ITPR2: variants seen among roughly 807,000 people sequenced by gnomAD.
ITPR2 encodes inositol 1,4,5-trisphosphate-gated calcium channel ITPR2.
In ITPR2, 207 loss-of-function variants were observed where a neutral mutation model predicts 317.1. The observed-to-expected ratio is 0.65, with a 90% CI of 0.58 to 0.73. ITPR2 has a LOEUF of 0.73. ITPR2 is among the 30% of genes least tolerant of loss of function. The pLI is 0.00. For synonymous variants in ITPR2, 1,156 were observed against 1,149.1 expected (o/e 1.01, Z -0.12); for missense variants, 2,613 against 3,284.0 (o/e 0.80, Z 4.99).
intron 28 of ITPR2, among the ~76,000 whole-genome samples, chr12:26,600,886 T>C (rs1945984530): frequency 6.6e-6 from 1 of 152,124 alleles, no homozygotes; most frequent in Non-Finnish European, 1.5e-5. Context: ...CCCTTCCTTT[T>C]GCTATTTACC....
At chr12:26,450,477 T>G (rs1374323856) in intron 45 of ITPR2, among the ~76,000 whole-genome samples, 1 of 152,124 alleles carries the variant, frequency 6.6e-6, no homozygotes, top group African/African-American at 2.4e-5. Context: ...AAGAAATAAC[T>G]GGTCTTCCCG....
intron 39 of ITPR2, among the ~76,000 whole-genome samples, chr12:26,487,976 A>G (rs1942710695): frequency 6.6e-6 from 1 of 152,178 alleles, no homozygotes; most frequent in Non-Finnish European, 1.5e-5. Context: ...AAACAAAAGT[A>G]TGATAAAATG....
chr12:26,348,209 A>G (rs1401789921), intron 55 of ITPR2, among the ~76,000 whole-genome samples: 3 of 152,266 alleles, frequency 2.0e-5, no homozygotes, highest in Non-Finnish European at 4.4e-5. Flanking sequence ...CTCAAAAGCC[A>G]CACAAGTCAC....
At chr12:26,484,688 T>C (rs188225788) in intron 41 of ITPR2, among the ~76,000 whole-genome samples, 256 of 152,078 alleles carry the variant, frequency 1.7e-3, no homozygotes, top group African/African-American at 6.0e-3. Context: ...AAATGAAAAA[T>C]GTAAGTTGAG....
At chr12:26,805,099 A>G (rs1014607157) in intron 1 of ITPR2, among the ~76,000 whole-genome samples, 1 of 152,186 alleles carries the variant, frequency 6.6e-6, no homozygotes, top group African/African-American at 2.4e-5. Context: ...AAAAATTCGT[A>G]AAGAGACATA....
intron 5 of ITPR2, chr12:26,721,267 T>C: frequency 3.7e-6 from 2 of 545,870 alleles, no homozygotes; most frequent in Admixed American, 2.9e-5. Flanking sequence ...CTGCATGCCA[T>C]GCTTCTACCA....
At chr12:26,503,221 G>A (rs867952048) in intron 37 of ITPR2, among the ~76,000 whole-genome samples, 7 of 18,812 alleles carry the variant, frequency 3.7e-4, no homozygotes, top group East Asian at 1.9e-3. Flanking sequence ...ACACACACAC[G>A]GATTAAGTGA....
chr12:26,779,078 A>G (rs1176010444), intron 2 of ITPR2, among the ~76,000 whole-genome samples: 1 of 152,222 alleles, frequency 6.6e-6, no homozygotes, highest in Non-Finnish European at 1.5e-5. Flanking sequence ...CAACAGGTCC[A>G]GCCTGCTGTG....
At chr12:26,402,723 T>C (rs1230293602) in intron 52 of ITPR2, among the ~76,000 whole-genome samples, 2 of 152,182 alleles carry the variant, frequency 1.3e-5, no homozygotes, top group Non-Finnish European at 1.5e-5. Context: ...GTTAATAAGG[T>C]TCTACCTTCG....
chr12:26,521,014 T>C (rs1305011744), intron 37 of ITPR2, among the ~76,000 whole-genome samples: 1 of 152,208 alleles, frequency 6.6e-6, no homozygotes, highest in Non-Finnish European at 1.5e-5. Context: ...GAAGTAGCAA[T>C]ATGAGTCACT....
intron 26 of ITPR2, among the ~76,000 whole-genome samples, chr12:26,605,095 A>T (rs1389149305): frequency 4.4e-4 from 49 of 111,390 alleles, no homozygotes; most frequent in Non-Finnish European, 7.7e-4. Context: ...CTCAAAAAAA[A>T]AAAAAATAAA....
chr12:26,784,283 C>G (rs1377806889), intron 2 of ITPR2, among the ~76,000 whole-genome samples: 4 of 6,416 alleles, frequency 6.2e-4, no homozygotes, highest in Non-Finnish European at 1.2e-3. Flanking sequence ...CTCTCCCTCT[C>G]CCTCTCCCTC....
At chr12:26,778,146 C>T (rs926412753) in intron 2 of ITPR2, among the ~76,000 whole-genome samples, 1 of 152,212 alleles carries the variant, frequency 6.6e-6, no homozygotes, top group African/African-American at 2.4e-5. Flanking sequence ...GCAGAACCCC[C>T]ACATTGGCTC....
chr12:26,593,039 C>G (rs1417309976), intron 32 of ITPR2, among the ~76,000 whole-genome samples: 1 of 152,154 alleles, frequency 6.6e-6, no homozygotes, highest in Non-Finnish European at 1.5e-5. Context: ...AAACTCAGGG[C>G]CCAGAGGGGT....
intron 34 of ITPR2, among the ~76,000 whole-genome samples, chr12:26,577,365 A>G (rs924191724): frequency 6.6e-6 from 1 of 152,236 alleles, no homozygotes; most frequent in Admixed American, 6.5e-5. Flanking sequence ...TGGAAACATT[A>G]AAGTTATTAG....
At chr12:26,807,047 G>C (rs1332993593) in intron 1 of ITPR2, among the ~76,000 whole-genome samples, 1 of 152,012 alleles carries the variant, frequency 6.6e-6, no homozygotes, top group African/African-American at 2.4e-5. Context: ...AAATTAGCCA[G>C]GCATGGTGGT....
At chr12:26,533,417 C>G (rs1943998284) in intron 37 of ITPR2, among the ~76,000 whole-genome samples, 1 of 152,210 alleles carries the variant, frequency 6.6e-6, no homozygotes, top group African/African-American at 2.4e-5. Context: ...CTGCTCGGTG[C>G]ATTTTGGCTG....
intron 11 of ITPR2, 147 bp from the exon 12 acceptor site, chr12:26,682,820 C>T (rs1337187159): frequency 1.4e-5 from 8 of 592,108 alleles, no homozygotes; most frequent in East Asian, 5.8e-5. Context: ...AGGGGAAATT[C>T]GGAATTATAG....
At chr12:26,539,983 G>A (rs1944212575) in intron 37 of ITPR2, among the ~76,000 whole-genome samples, 1 of 152,220 alleles carries the variant, frequency 6.6e-6, no homozygotes, top group African/African-American at 2.4e-5. Flanking sequence ...TAGCAACTAA[G>A]TGCAGGGCAC....
Sources: gnomAD v4.1 joint callset for allele counts (sites outside exome capture counted in the v4.1 genomes callset) on GRCh38, gnomAD v4.1.1 for gene constraint, MANE v1.5 for transcripts, NCBI Gene and HGNC (gene_info 2026-07-23, HGNC 2026-07-21) for gene names.